Variants in SOBP observed in about 807,000 individuals in gnomAD.
SOBP encodes sine oculis-binding protein homolog.
In SOBP, 4 loss-of-function variants were observed where a neutral mutation model predicts 53.6. The ratio of observed to expected loss-of-function variants is 0.07; its 90% confidence interval spans 0.04 to 0.17. SOBP has a LOEUF of 0.17. Among genes scored for constraint, SOBP ranks in the 10% least tolerant of loss-of-function variants. The pLI is 1.00. For missense variants in SOBP, 1,088 were observed against 1,204.7 expected (o/e 0.90, Z 1.43); for synonymous variants, 584 against 522.6 (o/e 1.12, Z -1.60).
intron 5 of SOBP, among the ~76,000 whole-genome samples, chr6:107,615,277 A>T (rs1425906391): frequency 6.6e-6 from 1 of 152,244 alleles, no homozygotes. Context: ...AAGGGGTATA[A>T]TTAGGGTAGG....
intron 5 of SOBP, among the ~76,000 whole-genome samples, chr6:107,615,547 A>G (rs1786754653): frequency 2.0e-5 from 3 of 152,172 alleles, no homozygotes; most frequent in African/African-American, 4.8e-5. Flanking sequence ...CTCAGTGGGC[A>G]GTCCCCTTCT....
At chr6:107,516,792 A>G (rs964356746) in intron 3 of SOBP, among the ~76,000 whole-genome samples, 3 of 152,200 alleles carry the variant, frequency 2.0e-5, no homozygotes, top group African/African-American at 7.2e-5. Context: ...TCAAATACCC[A>G]GGAAAATAAT....
chr6:107,542,731 T>C (rs962304759), intron 4 of SOBP, among the ~76,000 whole-genome samples: 2 of 152,152 alleles, frequency 1.3e-5, no homozygotes, highest in Non-Finnish European at 1.5e-5. Flanking sequence ...CAATTTAGTT[T>C]TTTGTGTGTG....
intron 3 of SOBP, among the ~76,000 whole-genome samples, chr6:107,523,904 C>T (rs1044274493): frequency 4.6e-5 from 7 of 152,202 alleles, no homozygotes; most frequent in Admixed American, 2.6e-4. Context: ...AGTGTCCATG[C>T]GTGTCTTGTT....
intron 3 of SOBP, among the ~76,000 whole-genome samples, chr6:107,506,925 C>A (rs1475896216): frequency 6.6e-6 from 1 of 151,632 alleles, no homozygotes; most frequent in African/African-American, 2.4e-5. Context: ...GGTGTGGTGG[C>A]GGGCTAGTAA....
At chr6:107,498,951 T>G (rs796879668) in intron 1 of SOBP, among the ~76,000 whole-genome samples, 21 of 152,286 alleles carry the variant, frequency 1.4e-4, no homozygotes, top group African/African-American at 4.6e-4. Context: ...ATCAAAACAT[T>G]GTGAAATGAG....
At chr6:107,517,695 TTCACA>T (rs1427578713) in intron 3 of SOBP, among the ~76,000 whole-genome samples, 1 of 152,216 alleles carries the variant, frequency 6.6e-6, no homozygotes, top group Non-Finnish European at 1.5e-5. Context: ...GATTCTCTAC[TTCACA>T]TCATTCATAA....
At chr6:107,583,443 T>A (rs1183422818) in intron 4 of SOBP, among the ~76,000 whole-genome samples, 2 of 152,228 alleles carry the variant, frequency 1.3e-5, no homozygotes, top group African/African-American at 4.8e-5. Context: ...CTTCCAAGAT[T>A]ATTGGTCATA....
chr6:107,564,258 G>A (rs1350229768), intron 4 of SOBP, among the ~76,000 whole-genome samples: 1 of 152,054 alleles, frequency 6.6e-6, no homozygotes, highest in African/African-American at 2.4e-5. Flanking sequence ...AAGGAGCCTG[G>A]TCTCTCTCAA....
intron 4 of SOBP, chr6:107,558,270 CTT>C: frequency 6.6e-6 from 1 of 151,650 alleles, no homozygotes; most frequent in South Asian, 2.1e-4. Context: ...AGATCTAGTT[CTT>C]TTTTTTCCCC....
chr6:107,532,259 ACACACACACACAC>A (rs1241425525), intron 3 of SOBP, among the ~76,000 whole-genome samples: 9 of 150,754 alleles, frequency 6.0e-5, no homozygotes, highest in Non-Finnish European at 1.3e-4. Context: ...ACACACACAC[ACACACACACACAC>A]CACACACACA....
chr6:107,593,809 T>C (rs565864223), intron 5 of SOBP, among the ~76,000 whole-genome samples: 58 of 152,306 alleles, frequency 3.8e-4, no homozygotes, highest in African/African-American at 1.3e-3. Context: ...GGAGTACCTG[T>C]CTTTATTCTT....
rs762931891 is a variant in SOBP at position 107,635,819 on chromosome 6, G to A, written c.*3+350G>A. The stretch of plus-strand genomic sequence containing the variant: ...CTCCGTAAATCACCCTATTGGAGAA[G>A]AGGAGGATGGGGGGAGGGAGAAGAG... On this transcript the variant is annotated intron_variant, in intron 6 of 6. Coordinates refer to ENST00000317357, the MANE Select transcript of SOBP (RefSeq NM_018013.4). The surrounding 1 kb of genome is among the most constrained non-coding windows in gnomAD (Gnocchi z 4.5). Among the ~76,000 whole-genome samples the A allele has an allele frequency of 6.6e-5, 10 of 152,194 alleles. No homozygotes were observed. The highest frequency in any genetic ancestry group is 5.9e-4 in the Admixed American group (9 of 15,284).
chr6:107,574,153 T>C (rs2115042045), intron 4 of SOBP, among the ~76,000 whole-genome samples: 1 of 152,340 alleles, frequency 6.6e-6, no homozygotes, highest in Middle Eastern at 3.4e-3. Flanking sequence ...CAAAACATTT[T>C]TTTAACTCAA....
intron 2 of SOBP, among the ~76,000 whole-genome samples, chr6:107,505,736 G>A (rs1782973222): frequency 6.6e-6 from 1 of 152,032 alleles, no homozygotes; most frequent in Non-Finnish European, 1.5e-5. Context: ...CTGCAACCTC[G>A]GCCTCGCAGA....
intron 3 of SOBP, among the ~76,000 whole-genome samples, chr6:107,525,939 C>A (rs1783646715): frequency 6.6e-6 from 1 of 152,080 alleles, no homozygotes. Flanking sequence ...CATCTTTGAT[C>A]CTGTCATGTT....
chr6:107,500,942 TTC>T (rs1252815337), intron 1 of SOBP, among the ~76,000 whole-genome samples: 1 of 152,224 alleles, frequency 6.6e-6, no homozygotes, highest in East Asian at 1.9e-4. Flanking sequence ...GGTGTTCGTT[TTC>T]TCTCTTTCAT....
At chr6:107,605,801 T>A (rs1452032628) in intron 5 of SOBP, among the ~76,000 whole-genome samples, 1 of 152,202 alleles carries the variant, frequency 6.6e-6, no homozygotes, top group Non-Finnish European at 1.5e-5. Flanking sequence ...GCGGGGACAT[T>A]GCCTGGGCCC....
chr6:107,573,245 T>C (rs1183173635), intron 4 of SOBP, among the ~76,000 whole-genome samples: 1 of 152,146 alleles, frequency 6.6e-6, no homozygotes, highest in Non-Finnish European at 1.5e-5. Context: ...TGATTGGCAT[T>C]TGCAGTGGGA....
Sources: allele counts gnomAD v4.1 joint callset (sites outside exome capture counted in the v4.1 genomes callset), GRCh38; gene constraint gnomAD v4.1.1; non-coding constraint Gnocchi (gnomAD v3.1); transcripts MANE v1.5; gene names NCBI Gene and HGNC (gene_info 2026-07-23, HGNC 2026-07-21).